The following ADGRL3 variants were observed in gnomAD, a reference collection of about 807,000 sequenced individuals.
ADGRL3 encodes the protein calcium-independent alpha-latrotoxin receptor 3.
A neutral mutation model predicts 153.5 loss-of-function variants in ADGRL3; 62 were observed. That is an observed-to-expected ratio of 0.40 (90% confidence interval 0.33 to 0.50). ADGRL3 has a LOEUF of 0.50. ADGRL3 is among the 20% of genes least tolerant of loss of function. The probability of loss-of-function intolerance (pLI) is 0.47; values close to 1 mark genes in which losing one functional copy is unlikely to be tolerated. For missense variants in ADGRL3, 1,641 were observed against 1,859.4 expected, an observed-to-expected ratio of 0.88 and a Z score of 2.16; for synonymous variants, 710 against 672.5, an observed-to-expected ratio of 1.06 and a Z score of -0.86.
chr4:61,916,326 C>T (rs1315245907), intron 13 of ADGRL3, among the ~76,000 whole-genome samples: 2 of 152,032 alleles, frequency 1.3e-5, no homozygotes, highest in African/African-American at 4.8e-5. Context: ...TGATATGTGT[C>T]ATAGTAAAAC....
chr4:61,251,090 G>T (rs2149440085), intron 1 of ADGRL3, among the ~76,000 whole-genome samples: 1 of 152,246 alleles, frequency 6.6e-6, no homozygotes, highest in African/African-American at 2.4e-5. Context: ...GTTTTATTAT[G>T]CTCACAAATT....
At chr4:61,996,428 G>C (rs1163177554) in intron 20 of ADGRL3, 71 bp downstream of exon 20, 2 of 1,054,454 alleles carry the variant, frequency 1.9e-6, no homozygotes, top group African/African-American at 3.2e-5. Context: ...AGTACTGACT[G>C]TCTTTAATTT....
intron 2 of ADGRL3, among the ~76,000 whole-genome samples, chr4:61,422,682 C>T (rs760396963): frequency 6.6e-5 from 10 of 151,966 alleles, no homozygotes; most frequent in East Asian, 1.9e-4. Flanking sequence ...GTTAGTAACA[C>T]CCTGCTTGGG....
chr4:61,928,286 A>T (rs995263700), intron 13 of ADGRL3, among the ~76,000 whole-genome samples: 1 of 152,136 alleles, frequency 6.6e-6, no homozygotes, highest in East Asian at 1.9e-4. Flanking sequence ...TTATTTTACC[A>T]TCATCAACTT....
intron 17 of ADGRL3, among the ~76,000 whole-genome samples, chr4:61,964,846 A>G (rs902160077): frequency 3.3e-5 from 5 of 151,890 alleles, no homozygotes; most frequent in African/African-American, 1.2e-4. Context: ...AAACATAGAA[A>G]CCTTTCCATC....
rs1295098130 is a variant in ADGRL3, at chr4:61,517,507, T to C, written c.248T>C (p.Ile83Thr). The C allele has an allele frequency of 5.6e-6, 4 of 710,120 alleles. No individual in the cohort carries two copies. The highest frequency in any genetic ancestry group is 1.0e-5 in the Non-Finnish European group (4 of 392,508). 44.0% of individuals were successfully genotyped at this position (710,120 alleles called of 1,614,324 possible). A position where few individuals can be genotyped will look rare whatever the true frequency, so the allele number is the denominator to read the frequency against. ...VRGPGAQGAQ[I>T]AAQAFSRAPI... ...GGTCCAGGTGCCCAAGGAGCACAGA[T>C]TGCAGCGCAAGGTGCGGCCAGCGGT... is the stretch of plus-strand genomic sequence containing the variant. Residue 83 changes from isoleucine (I) to threonine (T), a missense_variant, in exon 4 of 27, where the codon ATT (isoleucine) becomes ACT (threonine). Ile to Thr is a moderately conservative substitution (Grantham distance 89). Around this residue, in one of 5 missense-constraint regions of ADGRL3, gnomAD observed 145 missense variants for 79.1 expected, o/e 1.83. Coordinates refer to ENST00000683033, the MANE Select transcript of ADGRL3 (RefSeq NM_001387552.1).
At chr4:61,760,225 C>T (rs1033740013) in intron 8 of ADGRL3, among the ~76,000 whole-genome samples, 4 of 152,148 alleles carry the variant, frequency 2.6e-5, no homozygotes, top group Non-Finnish European at 5.9e-5. Flanking sequence ...GTTACTGCTG[C>T]CTTTTGTTTG....
chr4:61,787,516 T>A (rs781113521), intron 8 of ADGRL3, among the ~76,000 whole-genome samples: 4 of 152,080 alleles, frequency 2.6e-5, no homozygotes, highest in Non-Finnish European at 4.4e-5. Flanking sequence ...TACTGGGGAC[T>A]CCCATATTAG....
chr4:61,605,909 A>G (rs927438943), intron 5 of ADGRL3, among the ~76,000 whole-genome samples: 5 of 152,214 alleles, frequency 3.3e-5, no homozygotes, highest in African/African-American at 9.6e-5. Flanking sequence ...GCCAGGAATC[A>G]TACTAAATGC....
intron 8 of ADGRL3, among the ~76,000 whole-genome samples, chr4:61,742,331 T>G (rs1258709750): frequency 6.6e-6 from 1 of 152,118 alleles, no homozygotes; most frequent in Non-Finnish European, 1.5e-5. Context: ...CAGGCTGGAG[T>G]GCACTGGAGC....
At chr4:61,994,329 C>G (rs746934049) in intron 19 of ADGRL3, among the ~76,000 whole-genome samples, 5 of 150,920 alleles carry the variant, frequency 3.3e-5, no homozygotes, top group Non-Finnish European at 7.4e-5. Flanking sequence ...TTTTTCTTTT[C>G]TTTGTAGAGA....
intron 5 of ADGRL3, among the ~76,000 whole-genome samples, chr4:61,676,129 A>G (rs2095183078): frequency 6.6e-6 from 1 of 151,860 alleles, no homozygotes; most frequent in Non-Finnish European, 1.5e-5. Flanking sequence ...GTGGTATGTC[A>G]TTATTCTTTT....
intron 2 of ADGRL3, among the ~76,000 whole-genome samples, chr4:61,470,369 C>T (rs2097934056): frequency 6.6e-6 from 1 of 151,896 alleles, no homozygotes; most frequent in African/African-American, 2.4e-5. Context: ...GGAGGGTCAA[C>T]TATTTCTCTC....
At chr4:61,287,301 C>T (rs191322355) in intron 1 of ADGRL3, among the ~76,000 whole-genome samples, 6 of 151,770 alleles carry the variant, frequency 4.0e-5, no homozygotes, top group Admixed American at 1.3e-4. Flanking sequence ...GCTGTGATAT[C>T]GCCTGCAAGA....
At chr4:61,280,897 G>A (rs1188335510) in intron 1 of ADGRL3, among the ~76,000 whole-genome samples, 1 of 152,010 alleles carries the variant, frequency 6.6e-6, no homozygotes, top group Non-Finnish European at 1.5e-5. Flanking sequence ...AATAGCTGTG[G>A]TATTTTATGG....
At chr4:61,725,743 A>G (rs921431598) in intron 6 of ADGRL3, among the ~76,000 whole-genome samples, 3 of 141,342 alleles carry the variant, frequency 2.1e-5, no homozygotes, top group Non-Finnish European at 3.0e-5. Flanking sequence ...TTTCTAAAGT[A>G]TGCTTTTTCA....
chr4:61,994,286 C>T (rs1051431663), intron 19 of ADGRL3, among the ~76,000 whole-genome samples: 2 of 151,930 alleles, frequency 1.3e-5, no homozygotes, highest in African/African-American at 2.4e-5. Context: ...TAGTTGGGAC[C>T]ACAGGCATGC....
At chr4:61,998,572 T>C (rs1050895148) in intron 21 of ADGRL3, among the ~76,000 whole-genome samples, 3 of 151,940 alleles carry the variant, frequency 2.0e-5, no homozygotes, top group Non-Finnish European at 4.4e-5. Context: ...GTTATTCTTT[T>C]TTTTTTTTTT....
At chr4:61,841,904 A>T (rs1324731129) in intron 9 of ADGRL3, among the ~76,000 whole-genome samples, 1 of 152,174 alleles carries the variant, frequency 6.6e-6, no homozygotes, top group African/African-American at 2.4e-5. Context: ...GCCAGCATGG[A>T]TGGAGATAAA....
Sources: allele counts gnomAD v4.1 joint callset (sites outside exome capture counted in the v4.1 genomes callset), GRCh38; gene constraint gnomAD v4.1.1; regional missense constraint gnomAD v4.1.1; transcripts MANE v1.5; gene names NCBI Gene and HGNC (gene_info 2026-07-23, HGNC 2026-07-21).